The following NUP93 variants were observed in gnomAD, a reference collection of about 807,000 sequenced individuals.
The protein encoded by NUP93 is nucleoporin 93, also known as nuclear pore complex protein Nup93.
In NUP93, 55 loss-of-function variants were observed where a neutral mutation model predicts 107.8. The observed-to-expected ratio is 0.51, with a 90% confidence interval of 0.41 to 0.64. NUP93 has a LOEUF of 0.64. NUP93 is among the 30% of genes least tolerant of loss of function. The pLI, the probability that NUP93 is intolerant of heterozygous loss-of-function variation, is 0.00. For missense variants in NUP93, 937 were observed against 1,044.7 expected, an observed-to-expected ratio of 0.90 and a Z score of 1.42; for synonymous variants, 390 against 397.5, an observed-to-expected ratio of 0.98 and a Z score of 0.22.
At chr16:56,747,048 A>G (rs1199318933) in intron 1 of NUP93, among the ~76,000 whole-genome samples, 1 of 150,748 alleles carries the variant, frequency 6.6e-6, no homozygotes, top group Admixed American at 6.6e-5. Flanking sequence ...CCCAGGCTGG[A>G]ATGCAGTGGT....
chr16:56,756,612 A>G lies in NUP93; in HGVS notation c.180-1926A>G, dbSNP rs561807474. ...AGTGCTGCAGTAAACATACATGTGC[A>G]TGTGTCTTTATAGTAGAATGATTTA... On this transcript the variant is annotated intron_variant, in intron 2 of 21. Coordinates refer to ENST00000308159, the MANE Select transcript of NUP93 (RefSeq NM_014669.5). 1.6e-4 allele frequency among the ~76,000 whole-genome samples: 25 copies of G among 152,204 alleles called. 1 individual carries two copies. In the Middle Eastern group the frequency reaches 0.01, roughly 62 times the overall value.
chr16:56,828,909 A>G (rs1963722989), intron 8 of NUP93, 68 bp from the exon 9 acceptor site: 1 of 1,516,274 alleles, frequency 6.6e-7, no homozygotes, highest in African/African-American at 1.4e-5. Context: ...AATGTCATGG[A>G]TATGGGCATA....
rs139903460 is a variant in NUP93, at chr16:56,788,127, G to C, written c.298-10349G>C. On this transcript the variant is annotated intron_variant, in intron 3 of 21. Transcript: ENST00000308159. Reference sequence around the variant, plus strand: ...ACAGTTATCCCTGCTTTCTCTCCTGGGGTTACCTCAGCAGTCTGACAGCAG... The same window carrying C: ...ACAGTTATCCCTGCTTTCTCTCCTGCGGTTACCTCAGCAGTCTGACAGCAG... Among the ~76,000 whole-genome samples the C allele has an allele frequency of 7.7e-3, 1,166 of 152,232 alleles. 16 individuals carry two copies. Among genetic ancestry groups the C allele is most frequent in the African/African-American group, 0.027 (1,103 of 41,528 alleles).
intron 3 of NUP93, among the ~76,000 whole-genome samples, chr16:56,768,114 C>A (rs1330413553): frequency 6.6e-6 from 1 of 152,234 alleles, no homozygotes; most frequent in Admixed American, 6.5e-5. Flanking sequence ...TTTGCACTTA[C>A]CTGCTGCAGA....
chr16:56,814,273 C>T (rs986845514), intron 5 of NUP93, among the ~76,000 whole-genome samples: 3 of 152,136 alleles, frequency 2.0e-5, no homozygotes, highest in South Asian at 2.1e-4. Context: ...TTCCGCTTCC[C>T]GGGCTCAAGC....
intron 5 of NUP93, among the ~76,000 whole-genome samples, chr16:56,807,435 A>G (rs1486984356): frequency 6.6e-6 from 1 of 152,080 alleles, no homozygotes; most frequent in Non-Finnish European, 1.5e-5. Context: ...TTATGTCTTT[A>G]TATTGTCTCT....
intron 3 of NUP93, among the ~76,000 whole-genome samples, chr16:56,772,694 AT>A (rs1260769547): frequency 6.6e-6 from 1 of 152,214 alleles, no homozygotes; most frequent in Non-Finnish European, 1.5e-5. Context: ...CAAACCCCAA[AT>A]AAATGGAATT....
At chr16:56,794,301 T>C (rs955594611) in intron 3 of NUP93, among the ~76,000 whole-genome samples, 1 of 152,158 alleles carries the variant, frequency 6.6e-6, no homozygotes, top group South Asian at 2.1e-4. Flanking sequence ...CCCAGTTTTT[T>C]AAGTATGTAA....
intron 3 of NUP93, among the ~76,000 whole-genome samples, chr16:56,762,421 A>G (rs74518630): frequency 0.013 from 1,985 of 152,288 alleles, 20 homozygotes; most frequent in Non-Finnish European, 0.019. Context: ...TTAGACTTTC[A>G]AAATAACTAA....
chr16:56,751,894 T>C (rs752069109), intron 2 of NUP93, among the ~76,000 whole-genome samples: 5 of 152,168 alleles, frequency 3.3e-5, no homozygotes, highest in Non-Finnish European at 7.4e-5. Flanking sequence ...CCTTACAGAC[T>C]GAAGTTTCTA....
intron 4 of NUP93, among the ~76,000 whole-genome samples, chr16:56,800,511 G>A (rs1471488263): frequency 6.6e-6 from 1 of 152,224 alleles, no homozygotes; most frequent in Non-Finnish European, 1.5e-5. Context: ...ACATACCACA[G>A]TGCAAAATGT....
rs113575883 is a variant in NUP93, at chr16:56,837,893, C to T, written c.2018+167C>T. Reference sequence around the variant, plus strand: ...CCAGCACTGTGTGAGTTCCTTTGTCCCCGCATCAGAACTAGTACTTGGTAC... The same window carrying T: ...CCAGCACTGTGTGAGTTCCTTTGTCTCCGCATCAGAACTAGTACTTGGTAC... On this transcript the variant is annotated intron_variant, in intron 18 of 21. Coordinates refer to ENST00000308159, the MANE Select transcript of NUP93 (RefSeq NM_014669.5). Among the ~76,000 whole-genome samples the T allele has an allele frequency of 4.5e-3, 681 of 152,334 alleles. 6 individuals carry two copies. The highest frequency in any genetic ancestry group is 0.016 in the African/African-American group (657 of 41,572).
At chr16:56,789,013 T>C (rs1297623345) in intron 3 of NUP93, among the ~76,000 whole-genome samples, 2 of 152,182 alleles carry the variant, frequency 1.3e-5, no homozygotes, top group African/African-American at 4.8e-5. Flanking sequence ...TTTTGTTGCA[T>C]GATAATTTTT....
At chr16:56,742,906 G>C (rs1961762333) in intron 1 of NUP93, among the ~76,000 whole-genome samples, 1 of 152,170 alleles carries the variant, frequency 6.6e-6, no homozygotes, top group African/African-American at 2.4e-5. Context: ...CATGGCTGAT[G>C]CTTTAAAAAT....
At position 56,764,828 on chromosome 16, in the gene NUP93, G is replaced by A. The variant is rs150131524; in HGVS notation, c.297+6173G>A. 2.6e-5 allele frequency among the ~76,000 whole-genome samples: 4 copies of A among 152,296 alleles called. No homozygotes were observed. The East Asian group carries it at 5.8e-4, about 22-fold the overall frequency. ...AATTTCTTAGCTTGAATCAGTCAAG[G>A]GAAAGTACAGTCTGAATGGGTAAAC... On this transcript the variant is annotated intron_variant, in intron 3 of 21. Coordinates refer to ENST00000308159, the MANE Select transcript of NUP93 (RefSeq NM_014669.5).
At chr16:56,803,508 A>G (rs1367376209) in intron 4 of NUP93, among the ~76,000 whole-genome samples, 1 of 152,042 alleles carries the variant, frequency 6.6e-6, no homozygotes, top group Non-Finnish European at 1.5e-5. Flanking sequence ...CTTATCTTAG[A>G]TGTTTATTAT....
chr16:56,826,571 A>G (rs1023761571), intron 8 of NUP93, among the ~76,000 whole-genome samples: 16 of 151,870 alleles, frequency 1.1e-4, no homozygotes, highest in Non-Finnish European at 2.1e-4. Context: ...CATTTGTTAA[A>G]TTTTGTTTGT....
intron 1 of NUP93, among the ~76,000 whole-genome samples, chr16:56,745,035 A>G (rs545188520): frequency 6.6e-6 from 1 of 152,302 alleles, no homozygotes; most frequent in East Asian, 1.9e-4. Flanking sequence ...CAGTGAACAA[A>G]ACACTGTGCT....
At chr16:56,747,355 A>G (rs1369601009) in intron 1 of NUP93, among the ~76,000 whole-genome samples, 2 of 152,216 alleles carry the variant, frequency 1.3e-5, no homozygotes, top group African/African-American at 4.8e-5. Context: ...GGTAGGAGTT[A>G]AAAACATTCT....
Sources: allele counts gnomAD v4.1 joint callset (sites outside exome capture counted in the v4.1 genomes callset), GRCh38; gene constraint gnomAD v4.1.1; transcripts MANE v1.5; gene names NCBI Gene and HGNC (gene_info 2026-07-23, HGNC 2026-07-21).